The following C12orf42 variants were observed in gnomAD, a reference collection of about 807,000 sequenced individuals.
C12orf42 encodes uncharacterized protein C12orf42.
A neutral mutation model predicts 21.6 loss-of-function variants in C12orf42; 25 were observed. The observed-to-expected ratio is 1.16, with a 90% CI of 0.84 to 1.62. The LOEUF (loss-of-function observed/expected upper bound fraction) is 1.62. C12orf42 is among the 40% of genes most tolerant of loss of function. The pLI is 0.00. For missense variants in C12orf42, 483 were observed against 459.3 expected (o/e 1.05, Z -0.47); for synonymous variants, 174 against 175.0 (o/e 0.99, Z 0.05).
chr12:103,485,743 G>A (rs1954790064), intron 1 of C12orf42, among the ~76,000 whole-genome samples: 1 of 152,178 alleles, frequency 6.6e-6, no homozygotes, highest in Admixed American at 6.5e-5. Flanking sequence ...AATTGTGGAT[G>A]GGAGTTCACT....
the C12orf42 span, among the ~76,000 whole-genome samples, chr12:103,104,070 T>A: frequency 1.3e-5 from 2 of 152,158 alleles, no homozygotes; most frequent in Non-Finnish European, 2.9e-5. Flanking sequence ...TATGAATAAA[T>A]GCATTTTAAA....
intron 1 of C12orf42, among the ~76,000 whole-genome samples, chr12:103,480,822 TTAA>T (rs560190194): frequency 2.0e-5 from 3 of 151,820 alleles, no homozygotes; most frequent in Non-Finnish European, 4.4e-5. Context: ...GTAGCCAATT[TTAA>T]TAAATATTTC....
chr12:103,391,840 C>T (rs919388490), intron 3 of C12orf42, among the ~76,000 whole-genome samples: 2 of 151,862 alleles, frequency 1.3e-5, no homozygotes, highest in African/African-American at 2.4e-5. Flanking sequence ...TGATGAGGTC[C>T]AATTTATCTA....
the C12orf42 span, among the ~76,000 whole-genome samples, chr12:103,522,807 T>G: frequency 6.6e-6 from 1 of 152,190 alleles, no homozygotes; most frequent in African/African-American, 2.4e-5. Context: ...AAACAAGTCC[T>G]CATCTCAGAC....
At chr12:103,365,652 A>G (rs1362949555) in intron 4 of C12orf42, among the ~76,000 whole-genome samples, 1 of 152,156 alleles carries the variant, frequency 6.6e-6, no homozygotes, top group East Asian at 1.9e-4. Flanking sequence ...ATTAATGTAC[A>G]CAAATTAGTA....
At chr12:103,453,260 A>C (rs1041174509) in intron 2 of C12orf42, among the ~76,000 whole-genome samples, 5 of 151,800 alleles carry the variant, frequency 3.3e-5, no homozygotes, top group Non-Finnish European at 7.4e-5. Flanking sequence ...ATAAAGGTTT[A>C]TATAAAGTTA....
At chr12:103,257,207 G>A (rs745588680) in intron 10 of C12orf42, among the ~76,000 whole-genome samples, 30 of 152,152 alleles carry the variant, frequency 2.0e-4, no homozygotes, top group African/African-American at 6.3e-4. Flanking sequence ...TTCAAAGGGC[G>A]GAGGTGGGAG....
chr12:103,284,848 A>C (rs1389008893), intron 4 of C12orf42, among the ~76,000 whole-genome samples: 1 of 152,172 alleles, frequency 6.6e-6, no homozygotes, highest in South Asian at 2.1e-4. Flanking sequence ...CTACTATAAT[A>C]TAAGCTGGAT....
At chr12:103,114,323 G>T in the C12orf42 span, among the ~76,000 whole-genome samples, 1 of 152,216 alleles carries the variant, frequency 6.6e-6, no homozygotes. Flanking sequence ...TGCACGGGAA[G>T]CGTGGCCTAA....
chr12:103,303,373 G>T (rs2136483011), intron 5 of C12orf42, among the ~76,000 whole-genome samples: 1 of 151,868 alleles, frequency 6.6e-6, no homozygotes, highest in African/African-American at 2.4e-5. Flanking sequence ...AAATCATGAA[G>T]ATTTTACCTG....
chr12:103,218,020 G>A, the C12orf42 span, among the ~76,000 whole-genome samples: 4 of 152,172 alleles, frequency 2.6e-5, no homozygotes, highest in East Asian at 3.9e-4. Flanking sequence ...GGTGGCTCAC[G>A]CCTGTAATCC....
At chr12:103,063,922 C>T in the C12orf42 span, among the ~76,000 whole-genome samples, 1 of 152,140 alleles carries the variant, frequency 6.6e-6, no homozygotes, top group Non-Finnish European at 1.5e-5. Context: ...TAAGTAGCGA[C>T]TCTGCATTTA....
intron 4 of C12orf42, among the ~76,000 whole-genome samples, chr12:103,286,468 T>C (rs2036467669): frequency 6.6e-6 from 1 of 151,582 alleles, no homozygotes; most frequent in African/African-American, 2.4e-5. Context: ...GTCTTTATTT[T>C]CATATATAAA....
At chr12:103,510,726 G>A in the C12orf42 span, among the ~76,000 whole-genome samples, 1 of 152,082 alleles carries the variant, frequency 6.6e-6, no homozygotes, top group African/African-American at 2.4e-5. Flanking sequence ...TGTGCTGTGG[G>A]TTAGAGAGAG....
chr12:103,478,549 T>C, intron 1 of C12orf42, 102 bp from the exon 2 acceptor site: 1 of 512,722 alleles, frequency 2.0e-6, no homozygotes, highest in Non-Finnish European at 3.3e-6. Context: ...ATCCTATCCA[T>C]GAACATAGTA....
At chr12:103,435,591 C>A (rs1212503528) in intron 2 of C12orf42, among the ~76,000 whole-genome samples, 1 of 151,990 alleles carries the variant, frequency 6.6e-6, no homozygotes, top group Admixed American at 6.6e-5. Context: ...GGCTCGAGAA[C>A]TACATGAAGA....
At chr12:103,272,916 T>C (rs781195527) in intron 5 of C12orf42, among the ~76,000 whole-genome samples, 1 of 152,174 alleles carries the variant, frequency 6.6e-6, no homozygotes, top group Non-Finnish European at 1.5e-5. Flanking sequence ...GTGTTTTCTG[T>C]TCAGTATTTT....
the C12orf42 span, among the ~76,000 whole-genome samples, chr12:103,111,266 C>A: frequency 6.6e-6 from 1 of 151,962 alleles, no homozygotes; most frequent in Non-Finnish European, 1.5e-5. Flanking sequence ...TGTATTAAAA[C>A]TTTTTATGAT....
chr12:103,392,059 C>T (rs1362432945), intron 3 of C12orf42, among the ~76,000 whole-genome samples: 1 of 152,040 alleles, frequency 6.6e-6, no homozygotes, highest in Non-Finnish European at 1.5e-5. Context: ...TCTAGTTTTC[C>T]CACAACAATT....
Sources: allele counts gnomAD v4.1 joint callset (sites outside exome capture counted in the v4.1 genomes callset), GRCh38; gene constraint gnomAD v4.1.1; transcripts MANE v1.5; gene names NCBI Gene and HGNC (gene_info 2026-07-23, HGNC 2026-07-21).